SHANK2: variants seen among roughly 807,000 people sequenced by gnomAD.
SHANK2 encodes SH3 and multiple ankyrin repeat domains protein 2.
Under a neutral mutation model 133.7 loss-of-function variants are expected in SHANK2, and 43 were observed. The ratio of observed to expected loss-of-function variants is 0.32; its 90% confidence interval spans 0.25 to 0.41. The LOEUF (loss-of-function observed/expected upper bound fraction) is 0.41. SHANK2 is among the 10% of genes least tolerant of loss of function. SHANK2 has a pLI of 1.00. For missense variants in SHANK2, 1,994 were observed against 2,235.8 expected (o/e 0.89, Z 2.18); for synonymous variants, 1,017 against 952.8 (o/e 1.07, Z -1.24).
intron 17 of SHANK2, among the ~76,000 whole-genome samples, chr11:70,567,976 G>C (rs1403025086): frequency 1.3e-5 from 2 of 152,310 alleles, no homozygotes; most frequent in East Asian, 3.9e-4. Context: ...GCGAGGAGAC[G>C]GGCAACAAAA....
chr11:70,594,149 C>T (rs1290342918), intron 17 of SHANK2, among the ~76,000 whole-genome samples: 1 of 152,202 alleles, frequency 6.6e-6, no homozygotes, highest in East Asian at 1.9e-4. Flanking sequence ...AAACAATGCC[C>T]ATCCACAGAT....
intron 2 of SHANK2, among the ~76,000 whole-genome samples, chr11:71,157,921 T>C (rs1310067353): frequency 6.6e-6 from 1 of 152,128 alleles, no homozygotes; most frequent in Non-Finnish European, 1.5e-5. Context: ...ACACTGCCCC[T>C]GTGTGCAGCT....
chr11:70,503,061 C>T (rs749563329), intron 17 of SHANK2, 130 bp from the exon 18 acceptor site: 89 of 1,011,636 alleles, frequency 8.8e-5, no homozygotes, highest in Non-Finnish European at 1.2e-4. Flanking sequence ...GGAGTGAGAC[C>T]GTCATCTTTT....
intron 19 of SHANK2, 84 bp from the exon 20 acceptor site, chr11:70,502,015 C>T (rs782414905): frequency 1.2e-5 from 17 of 1,455,922 alleles, no homozygotes; most frequent in Admixed American, 9.8e-5. Context: ...CAACGCCCCG[C>T]GAGGCTCCGA....
At chr11:71,067,085 A>C (rs1951073007) in intron 9 of SHANK2, among the ~76,000 whole-genome samples, 1 of 152,118 alleles carries the variant, frequency 6.6e-6, no homozygotes, top group Non-Finnish European at 1.5e-5. Context: ...CACCCACCAG[A>C]GCTGGGGGAG....
chr11:71,117,313 C>T (rs1951996624), intron 4 of SHANK2, among the ~76,000 whole-genome samples: 1 of 152,230 alleles, frequency 6.6e-6, no homozygotes, highest in South Asian at 2.1e-4. Flanking sequence ...AGCCACCTCA[C>T]CCAGCCAGTT....
At chr11:71,057,877 C>T (rs940420785) in intron 9 of SHANK2, among the ~76,000 whole-genome samples, 15 of 142,120 alleles carry the variant, frequency 1.1e-4, no homozygotes, top group African/African-American at 3.5e-4. Flanking sequence ...AATATGTGGG[C>T]TTATATTATT....
At chr11:70,647,790 T>A (rs1389400703) in intron 17 of SHANK2, among the ~76,000 whole-genome samples, 1 of 152,154 alleles carries the variant, frequency 6.6e-6, no homozygotes, top group Non-Finnish European at 1.5e-5. Flanking sequence ...CCCAGGCATG[T>A]GACGAAGGTG....
chr11:71,133,507 A>G (rs1555104152), intron 3 of SHANK2, among the ~76,000 whole-genome samples: 1 of 144,716 alleles, frequency 6.9e-6, no homozygotes, highest in African/African-American at 2.6e-5. Flanking sequence ...GATGGATGGC[A>G]GGCAGACAGG....
At chr11:70,598,575 T>A (rs1439817387) in intron 17 of SHANK2, among the ~76,000 whole-genome samples, 2 of 152,196 alleles carry the variant, frequency 1.3e-5, no homozygotes, top group East Asian at 3.9e-4. Flanking sequence ...CTTGGGAGAC[T>A]GGCAAGAGCT....
chr11:71,124,659 C>A (rs770246882), intron 3 of SHANK2, among the ~76,000 whole-genome samples: 35 of 152,206 alleles, frequency 2.3e-4, no homozygotes, highest in Non-Finnish European at 3.8e-4. Flanking sequence ...TTGGTTTAAA[C>A]CCAAGTCAAA....
intron 11 of SHANK2, among the ~76,000 whole-genome samples, chr11:70,856,777 C>G (rs1405839741): frequency 6.6e-6 from 1 of 152,166 alleles, no homozygotes; most frequent in Non-Finnish European, 1.5e-5. Flanking sequence ...GGATCTTACA[C>G]AGAGTCCCAC....
chr11:70,855,670 T>A lies in SHANK2; in HGVS notation c.1175-34988A>T, dbSNP rs545782284. Among the ~76,000 whole-genome samples, 11 of 152,352 alleles carry A rather than the reference T, an allele frequency of 7.2e-5. No individual in the cohort carries two copies. The East Asian group carries it at 2.1e-3, about 29-fold the overall frequency. On this transcript the variant is annotated intron_variant, in intron 11 of 25. Coordinates refer to ENST00000601538, the MANE Select transcript of SHANK2 (RefSeq NM_012309.5). Reference sequence around the variant, plus strand: ...GACCCTGAGGGCAGAGAAGCTGCCTTCCATGGCACAGGGCCTGGCATGTGG... The same window carrying A: ...GACCCTGAGGGCAGAGAAGCTGCCTACCATGGCACAGGGCCTGGCATGTGG...
At position 70,804,660 on chromosome 11, in the gene SHANK2, A is replaced by G. The variant is rs1382377296; in HGVS notation, c.1663+2342T>C. Among the ~76,000 whole-genome samples, 1 of 151,778 alleles carries G rather than the reference A, an allele frequency of 6.6e-6. No homozygotes were observed. The highest frequency in any genetic ancestry group is 1.5e-5 in the Non-Finnish European group (1 of 67,948). On this transcript the variant is annotated intron_variant, in intron 13 of 25. Coordinates refer to ENST00000601538, the MANE Select transcript of SHANK2 (RefSeq NM_012309.5). The surrounding 1 kb of genome is among the most constrained non-coding windows in gnomAD (Gnocchi z 4.1). The stretch of plus-strand genomic sequence containing the variant: ...CTGGGGCCTGGATAGGAGTCACGTG[A>G]CCTCCCTTCTTTCCTTTGTTGAATC...
intron 2 of SHANK2, among the ~76,000 whole-genome samples, chr11:71,214,101 C>T (rs1172765362): frequency 5.3e-5 from 8 of 152,298 alleles, no homozygotes; most frequent in Admixed American, 3.9e-4. Context: ...GCCTCTCTCA[C>T]AGAAACCCCC....
chr11:71,145,993 G>T (rs564696819), intron 3 of SHANK2, among the ~76,000 whole-genome samples: 2 of 152,276 alleles, frequency 1.3e-5, no homozygotes, highest in African/African-American at 4.8e-5. Flanking sequence ...TCACCCAGAT[G>T]CCCCTCTGAG....
chr11:70,695,528 G>C (rs1555022049), intron 15 of SHANK2, among the ~76,000 whole-genome samples: 1 of 152,140 alleles, frequency 6.6e-6, no homozygotes, highest in Non-Finnish European at 1.5e-5. Context: ...AGAAACACTG[G>C]CCCTCCTCCT....
At chr11:71,218,093 G>A (rs149176119) in intron 2 of SHANK2, among the ~76,000 whole-genome samples, 4 of 151,828 alleles carry the variant, frequency 2.6e-5, no homozygotes, top group Non-Finnish European at 5.9e-5. Context: ...CTTGTGATTC[G>A]CCTCCTTACC....
At chr11:70,880,767 A>G (rs1949647245) in intron 11 of SHANK2, among the ~76,000 whole-genome samples, 1 of 152,232 alleles carries the variant, frequency 6.6e-6, no homozygotes, top group Non-Finnish European at 1.5e-5. Flanking sequence ...TTCCCTCCAT[A>G]GAACAAGGAG....
Sources: gnomAD v4.1 joint callset for allele counts (sites outside exome capture counted in the v4.1 genomes callset) on GRCh38, gnomAD v4.1.1 for gene constraint, Gnocchi (gnomAD v3.1) non-coding constraint, MANE v1.5 for transcripts, NCBI Gene and HGNC (gene_info 2026-07-23, HGNC 2026-07-21) for gene names.